The following FDFT1 variants were observed in gnomAD, a reference collection of about 807,000 sequenced individuals.
The protein encoded by FDFT1 is farnesyl-diphosphate farnesyltransferase 1.
Under a neutral mutation model 46.8 loss-of-function variants are expected in FDFT1, and 68 were observed. The ratio of observed to expected loss-of-function variants is 1.45; its 90% CI spans 1.19 to 1.78. The LOEUF (loss-of-function observed/expected upper bound fraction) is 1.78, where lower values mean the gene tolerates loss of function less well. Among genes scored for constraint, FDFT1 ranks in the 40% most tolerant of loss-of-function variants. The pLI is 0.00. For missense variants in FDFT1, 928 were observed against 524.4 expected (o/e 1.77, Z -7.52); for synonymous variants, 351 against 185.1 (o/e 1.90, Z -7.28).
upstream of FDFT1, chr8:11,802,722 CCT>C (rs1491517579): frequency 4.8e-6 from 4 of 826,878 alleles, no homozygotes; most frequent in African/African-American, 6.8e-5. Context: ...AGGCCTGCCC[CCT>C]GTCCGGCCAG....
intron 7 of FDFT1, among the ~76,000 whole-genome samples, chr8:11,833,234 T>C (rs1379886278): frequency 1.7e-4 from 26 of 152,310 alleles, no homozygotes; most frequent in African/African-American, 6.3e-4. Flanking sequence ...TCTATGTGCC[T>C]GGGGTAGTGA....
At chr8:11,808,217 C>A in intron 1 of FDFT1, 1 of 1,149,758 alleles carries the variant, frequency 8.7e-7, no homozygotes, top group Non-Finnish European at 1.1e-6. Flanking sequence ...AGGATTTCAG[C>A]GGAGCCCGAG....
chr8:11,806,242 C>T (rs1055669675), intron 1 of FDFT1, among the ~76,000 whole-genome samples: 16 of 152,244 alleles, frequency 1.1e-4, no homozygotes, highest in African/African-American at 3.1e-4. Flanking sequence ...TGGGAGTGTG[C>T]TGAATCTCAG....
At chr8:11,806,354 G>A (rs1237309289) in intron 1 of FDFT1, among the ~76,000 whole-genome samples, 4 of 152,118 alleles carry the variant, frequency 2.6e-5, no homozygotes, top group African/African-American at 9.7e-5. Flanking sequence ...AGTGAGTGTT[G>A]TTTTCCATAG....
chr8:11,828,715 G>C (rs979455024), intron 5 of FDFT1, among the ~76,000 whole-genome samples: 5 of 152,242 alleles, frequency 3.3e-5, no homozygotes, highest in African/African-American at 9.6e-5. Flanking sequence ...TTCTAGCATA[G>C]AGTGCTTAGT....
intron 5 of FDFT1, among the ~76,000 whole-genome samples, 187 bp downstream of exon 5, chr8:11,826,402 C>A (rs1472914791): frequency 2.0e-5 from 3 of 152,212 alleles, no homozygotes; most frequent in Non-Finnish European, 1.5e-5. Context: ...CCAGGATTCA[C>A]ACCACGTAAT....
chr8:11,823,448 A>G (rs1427695318), intron 4 of FDFT1, among the ~76,000 whole-genome samples: 6 of 152,132 alleles, frequency 3.9e-5, no homozygotes, highest in Non-Finnish European at 4.4e-5. Flanking sequence ...ATTTCTGTCT[A>G]CCTAATTTCA....
intron 7 of FDFT1, among the ~76,000 whole-genome samples, chr8:11,836,975 T>G (rs796311782): frequency 2.0e-5 from 3 of 152,322 alleles, no homozygotes; most frequent in African/African-American, 4.8e-5. Flanking sequence ...GTAGTCAGGG[T>G]GAAAACTACA....
At chr8:11,806,759 A>G (rs972004047) in intron 1 of FDFT1, among the ~76,000 whole-genome samples, 4 of 151,896 alleles carry the variant, frequency 2.6e-5, no homozygotes, top group African/African-American at 9.7e-5. Flanking sequence ...TGTTTCTTTC[A>G]CTCTGAAATC....
intron 1 of FDFT1, 72 bp from the exon 2 acceptor site, chr8:11,808,720 ACT>A: frequency 6.9e-7 from 1 of 1,459,158 alleles, no homozygotes; most frequent in Non-Finnish European, 9.2e-7. Flanking sequence ...TCCCACTCCC[ACT>A]CCCACTCCCA....
chr8:11,830,232 T>C lies in FDFT1; in HGVS notation c.703-12T>C. 6.2e-7 allele frequency: 1 copy of C among 1,609,302 alleles called. No individual in the cohort carries two copies. The highest frequency in any genetic ancestry group is 1.3e-5 in the African/African-American group (1 of 74,958). Reference sequence around the variant, plus strand: ...CACGCTGACCTGTTCCTTAATCTTCTTATCTGTCTAGGTTTGGAGCAGGTA... The same window carrying C: ...CACGCTGACCTGTTCCTTAATCTTCCTATCTGTCTAGGTTTGGAGCAGGTA... On this transcript the variant is annotated splice_polypyrimidine_tract_variant and intron_variant, in intron 5 of 7. Transcript: ENST00000220584.
chr8:11,801,520 A>T (rs780106039), upstream of FDFT1, among the ~76,000 whole-genome samples: 1 of 152,126 alleles, frequency 6.6e-6, no homozygotes, highest in South Asian at 2.1e-4. Flanking sequence ...CAGTTTCAGC[A>T]TGTTGGCCAG....
rs758044689 is a variant in FDFT1 at position 11,838,402 on chromosome 8, C to T, written c.1047C>T (p.Ile349=). The T allele has an allele frequency of 1.7e-5, 28 of 1,613,404 alleles. No homozygotes were observed. The South Asian group carries it at 2.7e-4, about 16-fold the overall frequency. Residue 349 remains isoleucine (I), a synonymous_variant, in exon 8 of 8, where the codon ATC becomes ATT. Coordinates refer to ENST00000220584, the MANE Select transcript of FDFT1 (RefSeq NM_004462.5). ...GTCTTTAACAGATTTATCATAGAAT[C>T]CCCGACTCAGACCCATCTTCTAGCA... is the stretch of plus-strand genomic sequence containing the variant. ...YQYMEEIYHR[I]PDSDPSSSKT...
intron 7 of FDFT1, among the ~76,000 whole-genome samples, chr8:11,834,440 G>C (rs1383158038): frequency 6.6e-6 from 1 of 152,148 alleles, no homozygotes; most frequent in Non-Finnish European, 1.5e-5. Flanking sequence ...TCTTGTTCGT[G>C]TCTCTGCACA....
At chr8:11,822,141 A>G (rs545694372) in intron 4 of FDFT1, among the ~76,000 whole-genome samples, 3 of 152,350 alleles carry the variant, frequency 2.0e-5, no homozygotes, top group Admixed American at 1.3e-4. Flanking sequence ...ATTGACCATG[A>G]AGATTAAAAC....
intron 1 of FDFT1, among the ~76,000 whole-genome samples, chr8:11,807,627 C>A (rs1807033102): frequency 6.6e-6 from 1 of 152,262 alleles, no homozygotes; most frequent in Non-Finnish European, 1.5e-5. Context: ...CAAACAGCAA[C>A]TCTTTCTGAT....
chr8:11,799,223 C>G (rs1805860963), upstream of FDFT1, among the ~76,000 whole-genome samples: 1 of 152,202 alleles, frequency 6.6e-6, no homozygotes, highest in Non-Finnish European at 1.5e-5. Flanking sequence ...CCAGACCAGT[C>G]CACGGTCGGC....
Position 11,838,579 on chromosome 8 carries a change from A to T in FDFT1, c.1224A>T (p.Thr408=). 6.2e-7 allele frequency: 1 copy of T among 1,614,058 alleles called. No individual in the cohort carries two copies. Among genetic ancestry groups the T allele is most frequent in the Non-Finnish European group, 8.5e-7 (1 of 1,179,958 alleles). ...ACCTGACCACTCTCTCCCAGGTAAC[A>T]GAAGACTATGTTCAGACTGGAGAAC... ...WQYLTTLSQV[T]EDYVQTGEH Residue 408 remains threonine, a synonymous_variant, in exon 8 of 8, where the codon ACA becomes ACT. Transcript: ENST00000220584.
intron 3 of FDFT1, among the ~76,000 whole-genome samples, chr8:11,812,059 C>T (rs1807790977): frequency 6.6e-6 from 1 of 152,148 alleles, no homozygotes; most frequent in African/African-American, 2.4e-5. Context: ...AGGACTGATA[C>T]CTTGGCCTCA....
Sources: gnomAD v4.1 joint callset for allele counts (sites outside exome capture counted in the v4.1 genomes callset) on GRCh38, gnomAD v4.1.1 for gene constraint, MANE v1.5 for transcripts, NCBI Gene and HGNC (gene_info 2026-07-23, HGNC 2026-07-21) for gene names.